The following CPLX1 variants were observed in gnomAD, a reference collection of about 807,000 sequenced individuals.
CPLX1 encodes the protein complexin-1.
CPLX1 carries 6 observed loss-of-function variants against 15.6 expected under a neutral mutation model. The observed-to-expected ratio is 0.39, with a 90% confidence interval of 0.21 to 0.76. The LOEUF (loss-of-function observed/expected upper bound fraction) is 0.76, where lower values mean the gene tolerates loss of function less well. Among genes scored for constraint, CPLX1 ranks in the 30% least tolerant of loss-of-function variants. The pLI, the probability that CPLX1 is intolerant of heterozygous loss-of-function variation, is 0.43. For synonymous variants in CPLX1, 91 were observed against 75.2 expected, an observed-to-expected ratio of 1.21 and a Z score of -1.08; for missense variants, 242 against 188.6, an observed-to-expected ratio of 1.28 and a Z score of -1.66.
chr4:810,751 C>T (rs1746653563), intron 2 of CPLX1, among the ~76,000 whole-genome samples: 1 of 150,638 alleles, frequency 6.6e-6, no homozygotes, highest in Non-Finnish European at 1.5e-5. Context: ...GGCTGGAGTG[C>T]AATGGCGTGG....
chr4:803,708 T>C (rs897358732), intron 2 of CPLX1, among the ~76,000 whole-genome samples: 13 of 151,450 alleles, frequency 8.6e-5, no homozygotes, highest in Non-Finnish European at 1.5e-4. Context: ...TTGAGACCTG[T>C]TGTCCAGACT....
intron 2 of CPLX1, among the ~76,000 whole-genome samples, chr4:813,080 C>T (rs1028844351): frequency 3.9e-5 from 6 of 151,942 alleles, no homozygotes; most frequent in African/African-American, 1.5e-4. Flanking sequence ...GCCTGGCCAA[C>T]ATGGTGAAAC....
chr4:793,727 C>G (rs1439821958), intron 2 of CPLX1, among the ~76,000 whole-genome samples: 3 of 152,220 alleles, frequency 2.0e-5, no homozygotes, highest in African/African-American at 7.2e-5. Context: ...CGCTCTCCCC[C>G]CGCGGCCACC....
At chr4:786,854 C>T (rs1451191302) in intron 3 of CPLX1, 156 bp from the exon 4 acceptor site, 1 of 974,688 alleles carries the variant, frequency 1.0e-6, no homozygotes, top group East Asian at 1.2e-4. Flanking sequence ...GAAGAGACCC[C>T]ACCCCGGGGG....
At chr4:804,029 G>C (rs908539786) in intron 2 of CPLX1, among the ~76,000 whole-genome samples, 1 of 152,244 alleles carries the variant, frequency 6.6e-6, no homozygotes, top group Non-Finnish European at 1.5e-5. Flanking sequence ...CCGCTACTGC[G>C]GTGTTCAGTG....
rs569728526 is a variant in CPLX1 at position 788,124 on chromosome 4, G to A, written c.208-1426C>T. 1.2e-5 allele frequency: 12 copies of A among 985,402 alleles called. No individual in the cohort carries two copies. In the African/African-American group the frequency reaches 2.1e-4, roughly 17 times the overall value. 61.0% of individuals were successfully genotyped at this position (985,402 alleles called of 1,614,324 possible). ...CCACAGGGAGGGGCCTTTCTGCCCA[G>A]GAGGAGCCCCTCCCCTGCCATCTCC... On this transcript the variant is annotated intron_variant, in intron 3 of 3. Transcript: ENST00000304062.
intron 2 of CPLX1, chr4:804,792 A>G: frequency 1.0e-6 from 1 of 985,424 alleles, no homozygotes; most frequent in Non-Finnish European, 1.2e-6. Flanking sequence ...AGAGTCCCAG[A>G]GACGGCTCTG....
rs1647354690 is a variant in CPLX1 at position 789,530 on chromosome 4, A to AT, written c.208-2833dup. On this transcript the variant is annotated intron_variant, in intron 3 of 3. Transcript: ENST00000304062. ...TGCGGGGGGTAGGGGGATGCAATGT[A>AT]TTGAGGGAGCCTAGTGGGCCCTCAG... 1.3e-5 allele frequency among the ~76,000 whole-genome samples: 2 copies of AT among 152,180 alleles called. 1 individual carries two copies. Among genetic ancestry groups the AT allele is most frequent in the South Asian group, 4.1e-4 (2 of 4,828 alleles).
At chr4:797,806 G>A (rs1434904868) in intron 2 of CPLX1, among the ~76,000 whole-genome samples, 7 of 152,126 alleles carry the variant, frequency 4.6e-5, no homozygotes, top group Non-Finnish European at 8.8e-5. Flanking sequence ...GGTGGCGGGC[G>A]CCTGTAGTCC....
chr4:816,495 GGCATAA>G (rs1746758765), intron 2 of CPLX1, among the ~76,000 whole-genome samples: 1 of 152,146 alleles, frequency 6.6e-6, no homozygotes, highest in South Asian at 2.1e-4. Flanking sequence ...TGGGATTACA[GGCATAA>G]GCCACTGCGC....
intron 2 of CPLX1, among the ~76,000 whole-genome samples, chr4:802,585 G>A (rs541645186): frequency 5.9e-4 from 90 of 152,306 alleles, no homozygotes; most frequent in African/African-American, 2.1e-3. Context: ...AAGTATGGAA[G>A]CCCAAATATT....
chr4:799,842 G>A (rs1187552755), intron 2 of CPLX1, among the ~76,000 whole-genome samples: 5 of 152,204 alleles, frequency 3.3e-5, no homozygotes, highest in South Asian at 2.1e-4. Flanking sequence ...TAGCCTGAGC[G>A]ACAGAGGCAG....
chr4:820,901 C>T (rs942928340), intron 2 of CPLX1, among the ~76,000 whole-genome samples: 1 of 152,160 alleles, frequency 6.6e-6, no homozygotes, highest in Non-Finnish European at 1.5e-5. Context: ...CCCAGCCCCA[C>T]GGGGGCGCGG....
intron 2 of CPLX1, among the ~76,000 whole-genome samples, chr4:793,672 C>T (rs1181891889): frequency 6.6e-6 from 1 of 152,148 alleles, no homozygotes; most frequent in Non-Finnish European, 1.5e-5. Flanking sequence ...GGACCAGCCT[C>T]GTGTGTGTGA....
chr4:825,365 C>T (rs1426235393), intron 1 of CPLX1, among the ~76,000 whole-genome samples: 1 of 152,206 alleles, frequency 6.6e-6, no homozygotes, highest in Non-Finnish European at 1.5e-5. Context: ...TCACCCCTCG[C>T]CCTCCGCAGA....
At chr4:824,241 C>T (rs1746930446) in intron 2 of CPLX1, among the ~76,000 whole-genome samples, 1 of 152,234 alleles carries the variant, frequency 6.6e-6, no homozygotes, top group South Asian at 2.1e-4. Flanking sequence ...AGCAGTGGGG[C>T]AGAGTGAGCT....
chr4:793,231 G>A (rs1746237653), intron 2 of CPLX1, among the ~76,000 whole-genome samples: 1 of 152,176 alleles, frequency 6.6e-6, no homozygotes, highest in African/African-American at 2.4e-5. Context: ...CTGGCTGTCA[G>A]AGGCAAGGTC....
In CPLX1 at chr4:786,478, C is replaced by T. The variant is rs771586765; in HGVS notation, c.*23G>A. On this transcript the variant is annotated 3_prime_UTR_variant, in exon 4 of 4. Transcript: ENST00000304062. ...TGTAGGGGGAGGGGCGGGGGCTCCG[C>T]GGGGCCGCTGTCCCGCGCGCGGCTA... is the stretch of plus-strand genomic sequence containing the variant. 10 of 1,526,942 alleles carry T rather than the reference C, an allele frequency of 6.5e-6. No individual in the cohort carries two copies. The highest frequency in any genetic ancestry group is 2.1e-4 in the Middle Eastern group (1 of 4,696). The allele number at this position is 1,526,942 out of a possible 1,614,324, so 94.6% of individuals were successfully genotyped here.
intron 2 of CPLX1, among the ~76,000 whole-genome samples, chr4:814,882 G>A (rs1317063156): frequency 6.6e-6 from 1 of 152,200 alleles, no homozygotes; most frequent in African/African-American, 2.4e-5. Flanking sequence ...GGTGAAAGAA[G>A]GATTCCATGA....
Sources: allele counts gnomAD v4.1 joint callset (sites outside exome capture counted in the v4.1 genomes callset), GRCh38; gene constraint gnomAD v4.1.1; transcripts MANE v1.5; gene names NCBI Gene and HGNC (gene_info 2026-07-23, HGNC 2026-07-21).